TRIM13: variants seen among roughly 807,000 people sequenced by gnomAD.
TRIM13 encodes tripartite motif containing 13, also known as E3 ubiquitin-protein ligase TRIM13.
Under a neutral mutation model 27.1 loss-of-function variants are expected in TRIM13, and 15 were observed. The observed-to-expected ratio is 0.55, with a 90% CI of 0.37 to 0.85. The LOEUF is 0.85. TRIM13 is among the 40% of genes least tolerant of loss of function. The pLI is 0.00. For synonymous variants in TRIM13, 193 were observed against 171.5 expected (o/e 1.13, Z -0.98); for missense variants, 402 against 472.2 (o/e 0.85, Z 1.38).
Position 50,015,564 on chromosome 13 carries a change from A to T in TRIM13, c.*2400A>T. ...TTCACGACAAGGTTTTCTACGATAAAGCAGTTTCCTGCTTCTCGTTTGGCA... is the reference window on the plus strand; with the variant it reads ...TTCACGACAAGGTTTTCTACGATAATGCAGTTTCCTGCTTCTCGTTTGGCA... On this transcript the variant is annotated 3_prime_UTR_variant, in exon 2 of 2. Transcript: ENST00000378182. 7 of 1,614,112 alleles carry T rather than the reference A, an allele frequency of 4.3e-6. No homozygotes were observed. Among genetic ancestry groups the T allele is most frequent in the Non-Finnish European group, 5.9e-6 (7 of 1,179,980 alleles).
At chr13:50,009,621 C>T (rs1296873552) in intron 1 of TRIM13, among the ~76,000 whole-genome samples, 2 of 151,644 alleles carry the variant, frequency 1.3e-5, no homozygotes, top group East Asian at 3.9e-4. Flanking sequence ...CCTGTAGGCC[C>T]AGCTACTTGG....
chr13:50,010,910 C>T (rs1020946436), intron 1 of TRIM13, among the ~76,000 whole-genome samples: 1 of 152,202 alleles, frequency 6.6e-6, no homozygotes, highest in Non-Finnish European at 1.5e-5. Flanking sequence ...CAGACAACAT[C>T]TGCCGGTATG....
intron 1 of TRIM13, among the ~76,000 whole-genome samples, chr13:50,008,991 G>A (rs1220951733): frequency 5.5e-5 from 7 of 126,546 alleles, no homozygotes; most frequent in Non-Finnish European, 9.4e-5. Context: ...TTGCACTGCT[G>A]TACTCCAGCC....
rs1456913313 is a variant in TRIM13, at chr13:50,013,869, T to C, written c.*705T>C. 2 of 166,626 alleles carry C rather than the reference T, an allele frequency of 1.2e-5. No homozygotes were observed. Among genetic ancestry groups the C allele is most frequent in the African/African-American group, 4.8e-5 (2 of 41,290 alleles). 10.3% of individuals were successfully genotyped at this position (166,626 alleles called of 1,614,324 possible). A position where few individuals can be genotyped will look rare whatever the true frequency, so the allele number is the denominator to read the frequency against. On this transcript the variant is annotated 3_prime_UTR_variant, in exon 2 of 2. Transcript: ENST00000378182. ...TGCTCTTAAAGCACCTTTTTGACAG[T>C]GAACATGGTCTAAAAAAGGGAAGAT...
chr13:50,001,610 T>C (rs1160027917), intron 1 of TRIM13, among the ~76,000 whole-genome samples: 4 of 152,194 alleles, frequency 2.6e-5, no homozygotes, highest in Non-Finnish European at 5.9e-5. Context: ...TACTGTCTTA[T>C]ATGGACACAT....
At chr13:49,999,642 A>G (rs1232722177) in intron 1 of TRIM13, among the ~76,000 whole-genome samples, 4 of 152,150 alleles carry the variant, frequency 2.6e-5, no homozygotes. Context: ...CCTTCAGAGT[A>G]GCTGGGACTA....
rs1876324924 is a variant in TRIM13 at position 50,015,097 on chromosome 13, ATATATATATATATATAT to A, written c.*1934_*1950del. On this transcript the variant is annotated 3_prime_UTR_variant, in exon 2 of 2. Transcript: ENST00000378182. ...TAATAAAAAAAAAAAAAAAAAAAAT[ATATATATATATATATAT>A]ATATATATATATATATATATATATA... The A allele has an allele frequency of 2.9e-4, 1 of 3,418 alleles. No homozygotes were observed. Among genetic ancestry groups the A allele is most frequent in the African/African-American group, 6.3e-4 (1 of 1,580 alleles). The allele number at this position is 3,418 out of a possible 1,614,324, so 0.2% of individuals were successfully genotyped here. A position where few individuals can be genotyped will look rare whatever the true frequency, so the allele number is the denominator to read the frequency against.
At chr13:50,000,827 T>C (rs772415149) in intron 1 of TRIM13, among the ~76,000 whole-genome samples, 10 of 152,230 alleles carry the variant, frequency 6.6e-5, no homozygotes, top group Non-Finnish European at 1.2e-4. Flanking sequence ...GGTTTCAGTA[T>C]GGTGTCAATA....
chr13:50,005,154 A>G (rs569119813), intron 1 of TRIM13, among the ~76,000 whole-genome samples: 1 of 152,246 alleles, frequency 6.6e-6, no homozygotes, highest in South Asian at 2.1e-4. Flanking sequence ...TCAAAGGAGT[A>G]AGCTGGGTTG....
In TRIM13 at chr13:50,016,326, A is replaced by T. The variant is rs1253995874; in HGVS notation, c.*3162A>T. ...TGCCCAGAAAAAACTGAGACTATGG[A>T]CATTCAAATCATGGGAGAAAATAAT... is the stretch of plus-strand genomic sequence containing the variant. On this transcript the variant is annotated 3_prime_UTR_variant, in exon 2 of 2. Transcript: ENST00000378182. 2.5e-6 allele frequency: 1 copy of T among 399,344 alleles called. No individual in the cohort carries two copies. The highest frequency in any genetic ancestry group is 4.7e-6 in the Non-Finnish European group (1 of 214,566). 24.7% of individuals were successfully genotyped at this position (399,344 alleles called of 1,614,324 possible). A position where few individuals can be genotyped will look rare whatever the true frequency, so the allele number is the denominator to read the frequency against.
intron 1 of TRIM13, among the ~76,000 whole-genome samples, chr13:50,010,823 T>C (rs1594581267): frequency 6.6e-6 from 1 of 152,308 alleles, no homozygotes; most frequent in East Asian, 1.9e-4. Context: ...ATTTGTTCTT[T>C]CAGAAGGTAA....
intron 1 of TRIM13, among the ~76,000 whole-genome samples, chr13:50,005,104 C>T (rs1239060607): frequency 2.0e-5 from 3 of 151,802 alleles, no homozygotes; most frequent in African/African-American, 4.8e-5. Context: ...CCAGAAACCC[C>T]GAAAAAGAGG....
At chr13:50,006,014 C>T (rs1174575931) in intron 1 of TRIM13, among the ~76,000 whole-genome samples, 1 of 151,862 alleles carries the variant, frequency 6.6e-6, no homozygotes, top group African/African-American at 2.4e-5. Flanking sequence ...CGCGCTTGGC[C>T]AGAAATATGT....
chr13:50,006,874 A>G lies in TRIM13; in HGVS notation c.-6-5061A>G, dbSNP rs537899162. Among the ~76,000 whole-genome samples the G allele has an allele frequency of 2.6e-5, 4 of 152,244 alleles. No individual in the cohort carries two copies. In the South Asian group the frequency reaches 8.3e-4, roughly 32 times the overall value. ...TATGTATTATAAATACATGTATCTT[A>G]CAATCTACTATAAAACCATAAACTG... On this transcript the variant is annotated intron_variant, in intron 1 of 1. Transcript: ENST00000378182.
chr13:50,004,743 G>C (rs1359691837), intron 1 of TRIM13, among the ~76,000 whole-genome samples: 1 of 148,870 alleles, frequency 6.7e-6, no homozygotes, highest in African/African-American at 2.5e-5. Context: ...TGGCGCCACT[G>C]CACTTCAGTC....
intron 1 of TRIM13, among the ~76,000 whole-genome samples, chr13:50,002,888 C>G (rs552254027): frequency 1.7e-4 from 26 of 152,254 alleles, no homozygotes; most frequent in African/African-American, 5.3e-4. Flanking sequence ...ATCTTGAACT[C>G]CTGACCTCAT....
intron 1 of TRIM13, among the ~76,000 whole-genome samples, chr13:50,007,587 C>G (rs1263293302): frequency 1.3e-5 from 2 of 150,376 alleles, no homozygotes; most frequent in African/African-American, 4.9e-5. Flanking sequence ...TTGAGACCAG[C>G]TTGGCCAACA....
At chr13:49,998,251 C>G (rs1255390416) in intron 1 of TRIM13, among the ~76,000 whole-genome samples, 1 of 151,938 alleles carries the variant, frequency 6.6e-6, no homozygotes, top group Non-Finnish European at 1.5e-5. Context: ...CGTTTTTTTT[C>G]CTTTCTCCCA....
chr13:50,015,042 T>C lies in TRIM13; in HGVS notation c.*1878T>C, dbSNP rs1283152015. On this transcript the variant is annotated 3_prime_UTR_variant, in exon 2 of 2. Transcript: ENST00000378182. Reference sequence around the variant, plus strand: ...CTAGCCTCTGCGTGGTAGACAGGTATGGGGAGGGAGAATGCTTTTCCCCTC... The same window carrying C: ...CTAGCCTCTGCGTGGTAGACAGGTACGGGGAGGGAGAATGCTTTTCCCCTC... 1 of 147,356 alleles carries C rather than the reference T, an allele frequency of 6.8e-6. No individual in the cohort carries two copies. The highest frequency in any genetic ancestry group is 1.5e-5 in the Non-Finnish European group (1 of 64,646). 9.1% of individuals were successfully genotyped at this position (147,356 alleles called of 1,614,324 possible).
Sources: allele counts gnomAD v4.1 joint callset (sites outside exome capture counted in the v4.1 genomes callset), GRCh38; gene constraint gnomAD v4.1.1; transcripts MANE v1.5; gene names NCBI Gene and HGNC (gene_info 2026-07-23, HGNC 2026-07-21).